Variants in HOXC12 observed in about 807,000 individuals in gnomAD.
HOXC12 encodes homeobox C12, also known as homeobox protein Hox-C12.
HOXC12 carries 24 observed loss-of-function variants against 20.9 expected under a neutral mutation model. That is an observed-to-expected ratio of 1.15 (90% CI 0.83 to 1.61). The LOEUF is 1.61. Ranked by LOEUF, HOXC12 falls within the 40% of genes most tolerant of loss-of-function variation. The pLI is 0.00. For missense variants in HOXC12, 436 were observed against 406.9 expected (o/e 1.07, Z -0.62); for synonymous variants, 202 against 197.7 (o/e 1.02, Z -0.18).
In HOXC12 at chr12:53,958,329, G is replaced by T. The variant is rs895065525; in HGVS notation, c.*1763G>T. 1 of 152,316 alleles carries T rather than the reference G, an allele frequency of 6.6e-6. No homozygotes were observed. The allele number at this position is 152,316 out of a possible 1,614,324, so 9.4% of individuals were successfully genotyped here. A position where few individuals can be genotyped will look rare whatever the true frequency, so the allele number is the denominator to read the frequency against. ...CCACCCCACTCTCCCTAGTGCACTCGCAAGCAGGCAGCCTCATAATCCCCA... is the reference window on the plus strand; with the variant it reads ...CCACCCCACTCTCCCTAGTGCACTCTCAAGCAGGCAGCCTCATAATCCCCA... On this transcript the variant is annotated 3_prime_UTR_variant, in exon 2 of 2. Coordinates refer to ENST00000243103, the MANE Select transcript of HOXC12 (RefSeq NM_173860.3).
In HOXC12 at chr12:53,957,719, G is replaced by T. The variant is rs118106076; in HGVS notation, c.*1153G>T. The T allele has an allele frequency of 0.028, 4,245 of 152,500 alleles. 81 individuals are homozygous for T. The highest frequency in any genetic ancestry group is 0.041 in the Non-Finnish European group (2,767 of 68,160). The allele number at this position is 152,500 out of a possible 1,614,324, so 9.4% of individuals were successfully genotyped here. The stretch of plus-strand genomic sequence containing the variant: ...CAGGCCCGTGAGAATGAAGGAGGGG[G>T]GCGCTCCAGCCCCCCACCCAACTCC... On this transcript the variant is annotated 3_prime_UTR_variant, in exon 2 of 2. Transcript: ENST00000243103.
rs968531128 is a variant in HOXC12 at position 53,955,316 on chromosome 12, G to A, written c.387G>A (p.Pro129=). The A allele has an allele frequency of 4.3e-6, 6 of 1,381,328 alleles. No individual in the cohort carries two copies. The highest frequency in any genetic ancestry group is 7.5e-5 in the Admixed American group (2 of 26,720). 85.6% of individuals were successfully genotyped at this position (1,381,328 alleles called of 1,614,324 possible). Residue 129 remains proline, a synonymous_variant, in exon 1 of 2, where the codon CCG becomes CCA. Coordinates refer to ENST00000243103, the MANE Select transcript of HOXC12 (RefSeq NM_173860.3). ...GPGAALLPLE[P]SGPPALGFKY... is the part of the protein sequence containing the mutation. ...GGGCAGCGCTGCTCCCGCTGGAGCC[G>A]TCGGGGCCGCCTGCGCTCGGCTTCA... is the stretch of plus-strand genomic sequence containing the variant.
chr12:53,955,428 G>C lies in HOXC12; in HGVS notation c.499G>C (p.Glu167Gln). 2 of 1,512,212 alleles carry C rather than the reference G, an allele frequency of 1.3e-6. No individual in the cohort carries two copies. The highest frequency in any genetic ancestry group is 1.8e-6 in the Non-Finnish European group (2 of 1,137,114). The allele number at this position is 1,512,212 out of a possible 1,614,324, so 93.7% of individuals were successfully genotyped here. ...PHDPPSCQSLESDSSSSLLNE... is the reference protein window; with the variant it reads ...PHDPPSCQSLQSDSSSSLLNE... The stretch of plus-strand genomic sequence containing the variant: ...CGACCCGCCCTCCTGCCAGTCGCTG[G>C]AATCCGACTCCAGTTCGTCCCTGCT... The change falls in exon 1 of 2, where the codon GAA becomes CAA. Residue 167 changes from glutamate (E) to glutamine (Q), a missense_variant. Coordinates refer to ENST00000243103, the MANE Select transcript of HOXC12 (RefSeq NM_173860.3).
Position 53,958,177 on chromosome 12 carries a change from TC to T in HOXC12, c.*1612del. ...TGGAGTGTTTCCCATATGGGGAGAGTCTCCCCTAACAAACTCTCCAAAGGCA... is the reference window on the plus strand; with the variant it reads ...TGGAGTGTTTCCCATATGGGGAGAGTTCCCCTAACAAACTCTCCAAAGGCA... On this transcript the variant is annotated 3_prime_UTR_variant, in exon 2 of 2. Coordinates refer to ENST00000243103, the MANE Select transcript of HOXC12 (RefSeq NM_173860.3). 6.7e-6 allele frequency: 1 copy of T among 148,256 alleles called. No homozygotes were observed. Among genetic ancestry groups the T allele is most frequent in the Admixed American group, 6.7e-5 (1 of 14,910 alleles). The allele number at this position is 148,256 out of a possible 1,614,324, so 9.2% of individuals were successfully genotyped here.
rs1938891935 is a variant in HOXC12, at chr12:53,957,655, G to A, written c.*1089G>A. ...CGGGAGGAGAATTCACCCTTAAAGG[G>A]GCTACCAGCCATTGAGGTCCCACTC... On this transcript the variant is annotated 3_prime_UTR_variant, in exon 2 of 2. Coordinates refer to ENST00000243103, the MANE Select transcript of HOXC12 (RefSeq NM_173860.3). The A allele has an allele frequency of 1.3e-5, 2 of 152,420 alleles. No homozygotes were observed. Among genetic ancestry groups the A allele is most frequent in the East Asian group, 1.9e-4 (1 of 5,172 alleles). The allele number at this position is 152,420 out of a possible 1,614,324, so 9.4% of individuals were successfully genotyped here. A position where few individuals can be genotyped will look rare whatever the true frequency, so the allele number is the denominator to read the frequency against.
chr12:53,955,053 C>T lies in HOXC12; in HGVS notation c.124C>T (p.Leu42=). ...SGAQLPGLPS[L]SYPRRDNVCS... ...GGCGCAGCTTCCCGGGCTGCCTTCG[C>T]TGTCCTACCCACGCCGCGACAACGT... Residue 42 remains leucine, a synonymous_variant, in exon 1 of 2, where the codon CTG becomes TTG. Transcript: ENST00000243103. 6.2e-7 allele frequency: 1 copy of T among 1,613,826 alleles called. No individual in the cohort carries two copies. Among genetic ancestry groups the T allele is most frequent in the Non-Finnish European group, 8.5e-7 (1 of 1,179,926 alleles).
Position 53,956,833 on chromosome 12 carries a change from T to C in HOXC12, c.*267T>C, listed in dbSNP as rs1592190174. 5.6e-6 allele frequency: 2 copies of C among 357,086 alleles called. No homozygotes were observed. Among genetic ancestry groups the C allele is most frequent in the African/African-American group, 2.1e-5 (1 of 47,444 alleles). 22.1% of individuals were successfully genotyped at this position (357,086 alleles called of 1,614,324 possible). ...GTTGGCAGGGGCAGGAAGGCTGAGGTGCTGCGGGCTGGTTTATTTGAGGCA... is the reference window on the plus strand; with the variant it reads ...GTTGGCAGGGGCAGGAAGGCTGAGGCGCTGCGGGCTGGTTTATTTGAGGCA... On this transcript the variant is annotated 3_prime_UTR_variant, in exon 2 of 2. Transcript: ENST00000243103.
chr12:53,955,633 G>C (rs1592189550), intron 1 of HOXC12, 94 bp downstream of exon 1: 1 of 1,242,900 alleles, frequency 8.0e-7, no homozygotes, highest in Middle Eastern at 3.1e-4. Flanking sequence ...CAGGGTGACA[G>C]AATGTGTGGC....
rs10876525 is a variant in HOXC12 at position 53,958,842 on chromosome 12, T to C, written c.*2276T>C. 54,623 of 151,906 alleles carry C rather than the reference T, an allele frequency of 0.36. 10,854 individuals carry two copies. The highest frequency in any genetic ancestry group is 0.66 in the East Asian group (3,398 of 5,152). The allele number at this position is 151,906 out of a possible 1,614,324, so 9.4% of individuals were successfully genotyped here. On this transcript the variant is annotated 3_prime_UTR_variant, in exon 2 of 2. Coordinates refer to ENST00000243103, the MANE Select transcript of HOXC12 (RefSeq NM_173860.3). ...CCCTAGCTGCCTCCCCAGCTCTCTG[T>C]AGTGTAATTCTCCTATTCCAACGTC...
At chr12:53,955,812 A>G (rs1378059892) in intron 1 of HOXC12, among the ~76,000 whole-genome samples, 3 of 152,000 alleles carry the variant, frequency 2.0e-5, no homozygotes, top group Non-Finnish European at 4.4e-5. Flanking sequence ...CCTGGGGGTG[A>G]GGAGGTGGGG....
At chr12:53,956,250 G>C in intron 1 of HOXC12, 78 bp from the exon 2 acceptor site, 1 of 1,183,162 alleles carries the variant, frequency 8.5e-7, no homozygotes, top group Non-Finnish European at 1.2e-6. Context: ...AGGTGAAAGG[G>C]TCTGGGGAAG....
Position 53,957,543 on chromosome 12 carries a change from G to C in HOXC12, c.*977G>C, listed in dbSNP as rs1466657961. On this transcript the variant is annotated 3_prime_UTR_variant, in exon 2 of 2. Coordinates refer to ENST00000243103, the MANE Select transcript of HOXC12 (RefSeq NM_173860.3). ...GGGAGAATTTCTGACAGCCACAGCC[G>C]AGGCCTCTGATTCTCCCTTCCCCGC... 1 of 152,426 alleles carries C rather than the reference G, an allele frequency of 6.6e-6. No homozygotes were observed. Among genetic ancestry groups the C allele is most frequent in the Non-Finnish European group, 1.5e-5 (1 of 68,100 alleles). 9.4% of individuals were successfully genotyped at this position (152,426 alleles called of 1,614,324 possible).
In HOXC12 at chr12:53,956,520, A is replaced by G. The variant is rs1419928013; in HGVS notation, c.803A>G (p.Lys268Arg). ...VKIWFQNRRM[K>R]KKRLLLREQA... Reference sequence around the variant, plus strand: ...ATCTGGTTTCAGAACCGGAGAATGAAAAAGAAAAGACTTCTGTTGAGGGAG... The same window carrying G: ...ATCTGGTTTCAGAACCGGAGAATGAGAAAGAAAAGACTTCTGTTGAGGGAG... Residue 268 changes from lysine (K) to arginine (R), a missense_variant, in exon 2 of 2, where the codon AAA becomes AGA. Lys to Arg is a conservative substitution (Grantham distance 26). Coordinates refer to ENST00000243103, the MANE Select transcript of HOXC12 (RefSeq NM_173860.3). The G allele has an allele frequency of 6.2e-7, 1 of 1,613,962 alleles. No individual in the cohort carries two copies. The highest frequency in any genetic ancestry group is 1.3e-5 in the African/African-American group (1 of 74,918).
rs1405065934 is a variant in HOXC12, at chr12:53,957,987, TGA to T, written c.*1426_*1427del. 2 of 152,282 alleles carry T rather than the reference TGA, an allele frequency of 1.3e-5. No homozygotes were observed. The highest frequency in any genetic ancestry group is 2.4e-5 in the African/African-American group (1 of 41,438). 9.4% of individuals were successfully genotyped at this position (152,282 alleles called of 1,614,324 possible). On this transcript the variant is annotated 3_prime_UTR_variant, in exon 2 of 2. Transcript: ENST00000243103. ...GGGCTGGCTTGGAAGAGAGGAGCAG[TGA>T]GAGAACCATCAACCTTTCTGTACTT...
chr12:53,955,097 G>T lies in HOXC12; in HGVS notation c.168G>T (p.Pro56=). Residue 56 remains proline (P), a synonymous_variant, in exon 1 of 2, where the codon CCG becomes CCT. Coordinates refer to ENST00000243103, the MANE Select transcript of HOXC12 (RefSeq NM_173860.3). ...ACAACGTGTGCTCCCTGTCCTGGCCGTCGGCGGAGCCGTGCAATGGCTACC... is the reference window on the plus strand; with the variant it reads ...ACAACGTGTGCTCCCTGTCCTGGCCTTCGGCGGAGCCGTGCAATGGCTACC... ...RRDNVCSLSW[P]SAEPCNGYPQ... The T allele has an allele frequency of 6.2e-7, 1 of 1,612,340 alleles. No homozygotes were observed.
Position 53,955,415 on chromosome 12 carries a change from C to A in HOXC12, c.486C>A (p.Ser162=). ...CAGGACCTCCGCACGACCCGCCCTC[C>A]TGCCAGTCGCTGGAATCCGACTCCA... is the stretch of plus-strand genomic sequence containing the variant. ...GGAGPPHDPP[S]CQSLESDSSS... The change falls in exon 1 of 2, where the codon TCC becomes TCA. Residue 162 remains serine, a synonymous_variant. Coordinates refer to ENST00000243103, the MANE Select transcript of HOXC12 (RefSeq NM_173860.3). 6.6e-7 allele frequency: 1 copy of A among 1,511,788 alleles called. No individual in the cohort carries two copies. The highest frequency in any genetic ancestry group is 1.4e-5 in the African/African-American group (1 of 70,078). The allele number at this position is 1,511,788 out of a possible 1,614,324, so 93.6% of individuals were successfully genotyped here. A position where few individuals can be genotyped will look rare whatever the true frequency, so the allele number is the denominator to read the frequency against.
Position 53,955,462 on chromosome 12 carries a change from G to A in HOXC12, c.533G>A (p.Gly178Asp), listed in dbSNP as rs1311485934. ...SDSSSSLLNE[G>D]NKGAGAGDPG... ...TCCAGTTCGTCCCTGCTCAACGAGG[G>A]CAACAAGGGCGCCGGCGCAGGCGAC... The change falls in exon 1 of 2, where the codon GGC (glycine) becomes GAC (aspartate). Residue 178 changes from glycine (G) to aspartate (D), a missense_variant. Physicochemically the swap from Gly to Asp is moderately conservative, Grantham distance 94. Transcript: ENST00000243103. 7.3e-6 allele frequency: 11 copies of A among 1,505,816 alleles called. No homozygotes were observed. Among genetic ancestry groups the A allele is most frequent in the Middle Eastern group, 1.8e-4 (1 of 5,650 alleles). 93.3% of individuals were successfully genotyped at this position (1,505,816 alleles called of 1,614,324 possible). A position where few individuals can be genotyped will look rare whatever the true frequency, so the allele number is the denominator to read the frequency against.
In HOXC12 at chr12:53,955,240, G is replaced by C. The variant is rs1487125164; in HGVS notation, c.311G>C (p.Gly104Ala). ...CGCGAGCCGTGCGCCGAGGGTGGCG[G>C]CGGGGGCCTGAAGCGTGAGGAGCGC... ...YYREPCAEGG[G>A]GGLKREERGR... Residue 104 changes from glycine to alanine, a missense_variant, in exon 1 of 2, where the codon GGC becomes GCC. Gly to Ala is a moderately conservative substitution (Grantham distance 60). Coordinates refer to ENST00000243103, the MANE Select transcript of HOXC12 (RefSeq NM_173860.3). 6.3e-7 allele frequency: 1 copy of C among 1,584,700 alleles called. No individual in the cohort carries two copies.
Position 53,955,212 on chromosome 12 carries a change from T to C in HOXC12, c.283T>C (p.Tyr95His). ...GCGCGTGGAGGACGGCAAGGGTTAC[T>C]ACCGCGAGCCGTGCGCCGAGGGTGG... ...LARVEDGKGY[Y>H]REPCAEGGGG... Residue 95 changes from tyrosine to histidine, a missense_variant, in exon 1 of 2, where the codon TAC (tyrosine) becomes CAC (histidine). By Grantham distance (83) the Tyr-to-His change is moderately conservative (BLOSUM62 2). Coordinates refer to ENST00000243103, the MANE Select transcript of HOXC12 (RefSeq NM_173860.3). The C allele has an allele frequency of 6.2e-7, 1 of 1,604,654 alleles. No homozygotes were observed.
Sources: gnomAD v4.1 joint callset for allele counts (sites outside exome capture counted in the v4.1 genomes callset) on GRCh38, gnomAD v4.1.1 for gene constraint, MANE v1.5 for transcripts, NCBI Gene and HGNC (gene_info 2026-07-23, HGNC 2026-07-21) for gene names.